TGFBI: variants seen among roughly 807,000 people sequenced by gnomAD.
The protein encoded by TGFBI is transforming growth factor beta induced, also known as transforming growth factor-beta-induced protein ig-h3.
Under a neutral mutation model 73.7 loss-of-function variants are expected in TGFBI, and 50 were observed. The observed-to-expected ratio is 0.68, with a 90% CI of 0.54 to 0.86. TGFBI has a LOEUF of 0.86. Among genes scored for constraint, TGFBI ranks in the 40% least tolerant of loss-of-function variants. The pLI, the probability that TGFBI is intolerant of heterozygous loss-of-function variation, is 0.00. For missense variants in TGFBI, 839 were observed against 877.0 expected, an observed-to-expected ratio of 0.96 and a Z score of 0.55; for synonymous variants, 362 against 360.5, an observed-to-expected ratio of 1.00 and a Z score of -0.05.
intron 6 of TGFBI, chr5:136,047,644 G>A: frequency 1.8e-6 from 1 of 563,238 alleles, no homozygotes; most frequent in Non-Finnish European, 3.1e-6. Context: ...TCCCTTCCTT[G>A]CCTCCCCTGG....
intron 3 of TGFBI, 26 bp from the exon 4 acceptor site, chr5:136,046,309 C>A: frequency 1.9e-6 from 3 of 1,613,520 alleles, no homozygotes; most frequent in Non-Finnish European, 2.5e-6. Flanking sequence ...AGAGGCCATC[C>A]CTCCTTCTGT....
Position 136,054,069 on chromosome 5 carries a change from C to A in TGFBI, c.1253C>A (p.Ser418Tyr). The A allele has an allele frequency of 1.2e-6, 2 of 1,613,802 alleles. No homozygotes were observed. Among genetic ancestry groups the A allele is most frequent in the South Asian group, 2.2e-5 (2 of 91,068 alleles). ...TTGACCCTCCTGGCTCCCCTGAATTCTGTATTCAAAGGTAACATGGGGAAG... is the reference window on the plus strand; with the variant it reads ...TTGACCCTCCTGGCTCCCCTGAATTATGTATTCAAAGGTAACATGGGGAAG... ...ERLTLLAPLN[S>Y]VFKDGTPPID... Residue 418 changes from serine to tyrosine, a missense_variant, in exon 9 of 17, where the codon TCT becomes TAT. Transcript: ENST00000442011.
At chr5:136,058,381 C>T (rs888730054) in intron 12 of TGFBI, among the ~76,000 whole-genome samples, 7 of 152,056 alleles carry the variant, frequency 4.6e-5, no homozygotes, top group East Asian at 1.9e-4. Flanking sequence ...TGGAAACTTT[C>T]GGAATGACCT....
At position 136,055,104 on chromosome 5, in the gene TGFBI, A is replaced by T. The variant is rs1401687578; in HGVS notation, c.1410+243A>T. ...TATCCAACCTGTATTGTGAAGGAAT[A>T]AGTCCTTCTTGAATTCAGGAATTAA... is the stretch of plus-strand genomic sequence containing the variant. On this transcript the variant is annotated intron_variant, in intron 10 of 16. Transcript: ENST00000442011. The T allele has an allele frequency of 1.2e-5, 6 of 494,970 alleles. No individual in the cohort carries two copies. In the Admixed American group the frequency reaches 2.1e-4, roughly 18 times the overall value. 30.7% of individuals were successfully genotyped at this position (494,970 alleles called of 1,614,324 possible).
At chr5:136,055,976 A>C (rs929797255) in intron 11 of TGFBI, among the ~76,000 whole-genome samples, 160 bp downstream of exon 11, 1 of 152,174 alleles carries the variant, frequency 6.6e-6, no homozygotes, top group Non-Finnish European at 1.5e-5. Flanking sequence ...GGGAAAAGGC[A>C]AGGGTCGCCT....
In TGFBI at chr5:136,054,069, C is replaced by T; in HGVS notation, c.1253C>T (p.Ser418Phe). ...ERLTLLAPLN[S>F]VFKDGTPPID... is the part of the protein sequence containing the mutation. Reference sequence around the variant, plus strand: ...TTGACCCTCCTGGCTCCCCTGAATTCTGTATTCAAAGGTAACATGGGGAAG... The same window carrying T: ...TTGACCCTCCTGGCTCCCCTGAATTTTGTATTCAAAGGTAACATGGGGAAG... Residue 418 changes from serine (S) to phenylalanine (F), a missense_variant, in exon 9 of 17, where the codon TCT (serine) becomes TTT (phenylalanine). Ser to Phe is a radical substitution (Grantham distance 155). Coordinates refer to ENST00000442011, the MANE Select transcript of TGFBI (RefSeq NM_000358.3). 6.2e-7 allele frequency: 1 copy of T among 1,613,802 alleles called. No individual in the cohort carries two copies. Among genetic ancestry groups the T allele is most frequent in the African/African-American group, 1.3e-5 (1 of 75,018 alleles).
chr5:136,059,657 T>C (rs1050314572), intron 13 of TGFBI, among the ~76,000 whole-genome samples: 1 of 152,148 alleles, frequency 6.6e-6, no homozygotes, highest in Admixed American at 6.5e-5. Context: ...GCTCTGCACA[T>C]TGATGATATA....
At chr5:136,060,759 C>G (rs1402507947) in intron 13 of TGFBI, 75 bp from the exon 14 acceptor site, 2 of 1,171,350 alleles carry the variant, frequency 1.7e-6, no homozygotes, top group South Asian at 1.7e-5. Context: ...TAAACACTTG[C>G]TGAATGAATA....
At chr5:136,041,022 G>T (rs1434546638) in intron 2 of TGFBI, among the ~76,000 whole-genome samples, 1 of 152,224 alleles carries the variant, frequency 6.6e-6, no homozygotes, top group East Asian at 1.9e-4. Flanking sequence ...CTCAGCCTTC[G>T]ATTCACAGCT....
Position 136,033,870 on chromosome 5 carries a change from C to T in TGFBI, c.233+9C>T. On this transcript the variant is annotated intron_variant, in intron 2 of 16. Transcript: ENST00000442011. Reference sequence around the variant, plus strand: ...ATCTGTGGCAAATCAACGTGAGTATCTGTAACCAGCCAGGAGACCAAGCTG... The same window carrying T: ...ATCTGTGGCAAATCAACGTGAGTATTTGTAACCAGCCAGGAGACCAAGCTG... The T allele has an allele frequency of 6.2e-7, 1 of 1,611,212 alleles. No homozygotes were observed. Among genetic ancestry groups the T allele is most frequent in the Non-Finnish European group, 8.5e-7 (1 of 1,177,986 alleles).
At chr5:136,046,551 C>A in intron 4 of TGFBI, 56 bp downstream of exon 4, 2 of 1,521,664 alleles carry the variant, frequency 1.3e-6, no homozygotes, top group East Asian at 2.4e-5. Context: ...CTTACTTCCC[C>A]GAGGGGTGGG....
intron 2 of TGFBI, among the ~76,000 whole-genome samples, chr5:136,037,295 A>G (rs1751244237): frequency 6.6e-6 from 1 of 152,238 alleles, no homozygotes; most frequent in African/African-American, 2.4e-5. Context: ...CCGGAGTGAT[A>G]CAATGGCTAA....
chr5:136,055,819 A>G lies in TGFBI; in HGVS notation c.1547+3A>G. On this transcript the variant is annotated splice_donor_region_variant and intron_variant, in intron 11 of 16. Coordinates refer to ENST00000442011, the MANE Select transcript of TGFBI (RefSeq NM_000358.3). ...CTGAAGGGAGACAATCGCTTTAGGTAATTAGTTCCATCCCCGGGTGGAGCT... is the reference window on the plus strand; with the variant it reads ...CTGAAGGGAGACAATCGCTTTAGGTGATTAGTTCCATCCCCGGGTGGAGCT... 1 of 1,601,034 alleles carries G rather than the reference A, an allele frequency of 6.2e-7. No homozygotes were observed. The highest frequency in any genetic ancestry group is 8.5e-7 in the Non-Finnish European group (1 of 1,170,564).
Position 136,054,089 on chromosome 5 carries a change from G to T in TGFBI, c.1264+9G>T. On this transcript the variant is annotated intron_variant, in intron 9 of 16. Transcript: ENST00000442011. ...GAATTCTGTATTCAAAGGTAACATG[G>T]GGAAGGCATCCCTGTTAGATTGTCC... 1 of 1,611,118 alleles carries T rather than the reference G, an allele frequency of 6.2e-7. No homozygotes were observed. The highest frequency in any genetic ancestry group is 8.5e-7 in the Non-Finnish European group (1 of 1,177,538).
intron 11 of TGFBI, among the ~76,000 whole-genome samples, chr5:136,056,071 T>A (rs1195652704): frequency 6.6e-6 from 1 of 152,184 alleles, no homozygotes; most frequent in African/African-American, 2.4e-5. Flanking sequence ...ACTACATTTT[T>A]ATGACTGAAG....
intron 6 of TGFBI, 106 bp downstream of exon 6, chr5:136,047,526 G>C: frequency 1.4e-6 from 2 of 1,400,778 alleles, no homozygotes; most frequent in Middle Eastern, 2.3e-4. Context: ...GCTCCTGTAG[G>C]GGAACATAGA....
At chr5:136,049,732 C>G in intron 7 of TGFBI, 152 bp downstream of exon 7, 1 of 851,920 alleles carries the variant, frequency 1.2e-6, no homozygotes, top group Admixed American at 2.7e-5. Flanking sequence ...TGTCCTGTTG[C>G]TTCAGCTAAC....
At chr5:136,060,432 C>T (rs551369531) in intron 13 of TGFBI, among the ~76,000 whole-genome samples, 8 of 152,266 alleles carry the variant, frequency 5.3e-5, no homozygotes, top group East Asian at 1.9e-4. Context: ...TTCAGTAGGC[C>T]GGGTGCAGTG....
At chr5:136,047,570 A>C in intron 6 of TGFBI, 150 bp downstream of exon 6, 1 of 890,200 alleles carries the variant, frequency 1.1e-6, no homozygotes, top group East Asian at 2.4e-5. Flanking sequence ...AACATGGAGA[A>C]TTCATTGACC....
Sources: allele counts gnomAD v4.1 joint callset (sites outside exome capture counted in the v4.1 genomes callset), GRCh38; gene constraint gnomAD v4.1.1; transcripts MANE v1.5; gene names NCBI Gene and HGNC (gene_info 2026-07-23, HGNC 2026-07-21).